Variants in PDE1A observed in about 807,000 individuals in gnomAD.
The protein encoded by PDE1A is dual specificity calcium/calmodulin-dependent 3',5'-cyclic nucleotide phosphodiesterase 1A.
PDE1A carries 35 observed loss-of-function variants against 61.7 expected under a neutral mutation model. The ratio of observed to expected loss-of-function variants is 0.57; its 90% confidence interval spans 0.43 to 0.75. PDE1A has a LOEUF of 0.75. PDE1A is among the 30% of genes least tolerant of loss of function. The pLI, the probability that PDE1A is intolerant of heterozygous loss-of-function variation, is 0.00. For synonymous variants in PDE1A, 232 were observed against 213.2 expected, an observed-to-expected ratio of 1.09 and a Z score of -0.77; for missense variants, 597 against 630.6, an observed-to-expected ratio of 0.95 and a Z score of 0.57.
At position 182,149,203 on chromosome 2, in the gene PDE1A, T is replaced by C. The variant is rs553877052; in HGVS notation, c.1517-2051A>G. On this transcript the variant is annotated intron_variant, in intron 13 of 13. Transcript: ENST00000409365. ...AGAAGTAATTAACTAATTCACTGGT[T>C]CTCAAAATTTTTTAGAGAACTTTTT... is the stretch of plus-strand genomic sequence containing the variant. Among the ~76,000 whole-genome samples, 97 of 152,286 alleles carry C rather than the reference T, an allele frequency of 6.4e-4. 1 individual carries two copies. The highest frequency in any genetic ancestry group is 2.2e-3 in the African/African-American group (90 of 41,562).
chr2:182,569,207 T>G, the PDE1A span, among the ~76,000 whole-genome samples: 1 of 150,088 alleles, frequency 6.7e-6, no homozygotes, highest in African/African-American at 2.5e-5. Context: ...GAGCCGAGAT[T>G]GTGCCACTGC....
chr2:182,385,474 G>A (rs1231337278), intron 1 of PDE1A, among the ~76,000 whole-genome samples: 1 of 151,846 alleles, frequency 6.6e-6, no homozygotes, highest in Non-Finnish European at 1.5e-5. Flanking sequence ...TCAAAATCAA[G>A]TTTTTATTGG....
chr2:182,335,519 AG>A (rs1697741108), intron 1 of PDE1A, among the ~76,000 whole-genome samples: 1 of 152,242 alleles, frequency 6.6e-6, no homozygotes, highest in African/African-American at 2.4e-5. Context: ...CAATGGGGAA[AG>A]GATTCCCTAT....
intron 1 of PDE1A, among the ~76,000 whole-genome samples, chr2:182,298,963 A>G (rs1283225575): frequency 6.6e-6 from 1 of 152,048 alleles, no homozygotes; most frequent in Admixed American, 6.6e-5. Flanking sequence ...ACGGAAATTT[A>G]CAATCTCTCA....
Position 182,173,172 on chromosome 2 carries a change from T to G in PDE1A, c.1517-4882A>C, listed in dbSNP as rs111606640. On this transcript the variant is annotated intron_variant, in intron 13 of 13. Coordinates refer to ENST00000351439, the Ensembl canonical transcript of PDE1A. ...CCCTACATGTCCTGTTGCACTGATT[T>G]AAATGCACAAAAGTGTTCTACCTAG... 6.6e-5 allele frequency among the ~76,000 whole-genome samples: 10 copies of G among 152,138 alleles called. 1 individual carries two copies. The highest frequency in any genetic ancestry group is 2.2e-4 in the African/African-American group (9 of 41,532).
At chr2:182,695,509 A>G in the PDE1A span, among the ~76,000 whole-genome samples, 215 of 152,098 alleles carry the variant, frequency 1.4e-3, 4 homozygotes, top group African/African-American at 5.0e-3. Flanking sequence ...TACTAAAACT[A>G]CAAAAAAATT....
chr2:182,440,333 T>C (rs1306468731), intron 2 of PDE1A, among the ~76,000 whole-genome samples: 1 of 152,058 alleles, frequency 6.6e-6, no homozygotes, highest in African/African-American at 2.4e-5. Flanking sequence ...TCTGCTAATA[T>C]ATTAGGAGAT....
At chr2:182,261,527 T>A (rs1346581270) in intron 2 of PDE1A, among the ~76,000 whole-genome samples, 1 of 152,138 alleles carries the variant, frequency 6.6e-6, no homozygotes, top group South Asian at 2.1e-4. Context: ...TTAGGAATAA[T>A]GTGGTGTTAA....
At chr2:182,243,712 GT>G (rs1294470636) in intron 2 of PDE1A, among the ~76,000 whole-genome samples, 1 of 152,142 alleles carries the variant, frequency 6.6e-6, no homozygotes, top group Admixed American at 6.6e-5. Flanking sequence ...GGTGTTTTGA[GT>G]TTAGTTAGTT....
the PDE1A span, among the ~76,000 whole-genome samples, chr2:182,642,820 G>A: frequency 6.6e-6 from 1 of 152,114 alleles, no homozygotes; most frequent in East Asian, 1.9e-4. Flanking sequence ...AACATTGTCT[G>A]GCTTAAATCC....
intron 1 of PDE1A, among the ~76,000 whole-genome samples, chr2:182,368,465 T>C (rs1264086881): frequency 6.6e-6 from 1 of 152,002 alleles, no homozygotes; most frequent in Non-Finnish European, 1.5e-5. Flanking sequence ...CCATCTCACT[T>C]GTCCTATAGA....
At chr2:182,584,788 C>G in the PDE1A span, among the ~76,000 whole-genome samples, 135 of 152,328 alleles carry the variant, frequency 8.9e-4, no homozygotes, top group African/African-American at 3.2e-3. Context: ...GGCATTGGCT[C>G]TCCTCTGTCC....
At chr2:182,596,245 A>G in the PDE1A span, among the ~76,000 whole-genome samples, 1 of 152,206 alleles carries the variant, frequency 6.6e-6, no homozygotes, top group East Asian at 1.9e-4. Context: ...TGGAGTGAGC[A>G]TGGGTGTTTT....
the PDE1A span, among the ~76,000 whole-genome samples, chr2:182,613,948 A>G: frequency 6.6e-6 from 1 of 152,210 alleles, no homozygotes; most frequent in Non-Finnish European, 1.5e-5. Flanking sequence ...GTTTTCAGAA[A>G]TTAGTATGAT....
chr2:182,201,058 A>G (rs1248574980), intron 10 of PDE1A, among the ~76,000 whole-genome samples: 1 of 152,156 alleles, frequency 6.6e-6, no homozygotes, highest in South Asian at 2.1e-4. Context: ...CTTGGCCTCC[A>G]TTAAAATTCT....
At chr2:182,707,632 A>G in the PDE1A span, among the ~76,000 whole-genome samples, 3 of 152,246 alleles carry the variant, frequency 2.0e-5, no homozygotes, top group Non-Finnish European at 4.4e-5. Flanking sequence ...AATTACATAC[A>G]TAATTTTTAA....
intron 2 of PDE1A, among the ~76,000 whole-genome samples, chr2:182,451,704 A>G (rs1379677971): frequency 6.6e-6 from 1 of 152,066 alleles, no homozygotes; most frequent in Non-Finnish European, 1.5e-5. Flanking sequence ...TAGTTGCTTA[A>G]ACTTTTGATG....
intron 7 of PDE1A, among the ~76,000 whole-genome samples, chr2:182,210,559 T>C (rs1687498315): frequency 6.6e-6 from 1 of 152,212 alleles, no homozygotes; most frequent in Non-Finnish European, 1.5e-5. Context: ...AACAGTGCTT[T>C]ATCAGATGTT....
chr2:182,188,721 A>C (rs147496967), intron 11 of PDE1A, among the ~76,000 whole-genome samples: 1 of 152,370 alleles, frequency 6.6e-6, no homozygotes, highest in African/African-American at 2.4e-5. Context: ...TCTCCCACAC[A>C]AGAAAATTTT....
Sources: gnomAD v4.1 joint callset for allele counts (sites outside exome capture counted in the v4.1 genomes callset) on GRCh38, gnomAD v4.1.1 for gene constraint, MANE v1.5 for transcripts, NCBI Gene and HGNC (gene_info 2026-07-23, HGNC 2026-07-21) for gene names.